Variants in METTL15 observed in about 807,000 individuals in gnomAD.
METTL15 encodes methyltransferase 15, mitochondrial 12S rRNA N4-cytidine.
Under a neutral mutation model 38.3 loss-of-function variants are expected in METTL15, and 34 were observed. The ratio of observed to expected loss-of-function variants is 0.89; its 90% CI spans 0.68 to 1.18. METTL15 has a LOEUF of 1.18. Ranked by LOEUF, METTL15 falls within the 50% of genes most tolerant of loss-of-function variation. METTL15 has a pLI of 0.00. For synonymous variants in METTL15, 162 were observed against 170.9 expected (o/e 0.95, Z 0.41); for missense variants, 438 against 498.4 (o/e 0.88, Z 1.15).
intron 6 of METTL15, among the ~76,000 whole-genome samples, chr11:28,443,070 A>G (rs964874907): frequency 1.3e-5 from 2 of 152,216 alleles, no homozygotes; most frequent in African/African-American, 4.8e-5. Flanking sequence ...GATATAGAAC[A>G]TTGCCATCAC....
intron 4 of METTL15, among the ~76,000 whole-genome samples, chr11:28,276,184 A>G (rs1244094869): frequency 2.6e-5 from 4 of 152,100 alleles, no homozygotes; most frequent in African/African-American, 9.7e-5. Context: ...ATAATTTTAT[A>G]TCTGGAACAA....
chr11:28,283,011 C>T (rs1366186982), intron 4 of METTL15, among the ~76,000 whole-genome samples: 2 of 152,126 alleles, frequency 1.3e-5, no homozygotes, highest in African/African-American at 4.8e-5. Flanking sequence ...TTGTGTATGT[C>T]TGCATTCTAC....
chr11:28,380,070 C>T (rs958811465), intron 5 of METTL15, among the ~76,000 whole-genome samples: 1 of 151,464 alleles, frequency 6.6e-6, no homozygotes, highest in Non-Finnish European at 1.5e-5. Context: ...TGTTCCCACT[C>T]TTCATTTTTA....
At chr11:28,335,242 A>C (rs962879420), downstream of METTL15, among the ~76,000 whole-genome samples, 1 of 152,170 alleles carries the variant, frequency 6.6e-6, no homozygotes, top group African/African-American at 2.4e-5. Flanking sequence ...CTTATTATTC[A>C]AGTCTTATAG....
chr11:28,442,914 T>C (rs973656840), intron 6 of METTL15, among the ~76,000 whole-genome samples: 20 of 152,230 alleles, frequency 1.3e-4, no homozygotes, highest in African/African-American at 4.6e-4. Context: ...TATAGTAATA[T>C]TGGAGAATGC....
chr11:28,516,117 CAT>C (rs1016401915), intron 6 of METTL15, among the ~76,000 whole-genome samples: 1 of 152,114 alleles, frequency 6.6e-6, no homozygotes, highest in Non-Finnish European at 1.5e-5. Flanking sequence ...AGTGAAACCA[CAT>C]ATATAGATTT....
At chr11:28,308,222 T>G (rs1488553210) in intron 6 of METTL15, among the ~76,000 whole-genome samples, 1 of 152,142 alleles carries the variant, frequency 6.6e-6, no homozygotes, top group African/African-American at 2.4e-5. Context: ...TCATTCATAT[T>G]TAATTGTGAT....
chr11:28,468,668 T>C (rs1851277540), intron 6 of METTL15, among the ~76,000 whole-genome samples: 1 of 152,064 alleles, frequency 6.6e-6, no homozygotes, highest in Non-Finnish European at 1.5e-5. Flanking sequence ...TGAGAGAGGA[T>C]TATTATGAAC....
At chr11:28,118,966 A>G (rs1852093132) in intron 3 of METTL15, among the ~76,000 whole-genome samples, 1 of 152,238 alleles carries the variant, frequency 6.6e-6, no homozygotes, top group African/African-American at 2.4e-5. Flanking sequence ...AGATTAAAAA[A>G]GAAATTCAGG....
At chr11:28,423,134 A>G (rs370187556) in intron 5 of METTL15, among the ~76,000 whole-genome samples, 1 of 152,088 alleles carries the variant, frequency 6.6e-6, no homozygotes, top group African/African-American at 2.4e-5. Context: ...ACAAATCAAA[A>G]TGATAATGAC....
chr11:28,113,308 T>C lies in METTL15; in HGVS notation c.-17-10T>C, dbSNP rs1410060945. ...AAATCCAACAATCATATTTTAATTT[T>C]TTTTTCTAGATTTGTTTACCTACAA... On this transcript the variant is annotated splice_polypyrimidine_tract_variant and intron_variant, in intron 2 of 6. Coordinates refer to ENST00000407364, the MANE Select transcript of METTL15 (RefSeq NM_001113528.2). 1 of 1,505,918 alleles carries C rather than the reference T, an allele frequency of 6.6e-7. No individual in the cohort carries two copies. Among genetic ancestry groups the C allele is most frequent in the African/African-American group, 1.4e-5 (1 of 70,922 alleles). The allele number at this position is 1,505,918 out of a possible 1,614,324, so 93.3% of individuals were successfully genotyped here.
intron 3 of METTL15, among the ~76,000 whole-genome samples, chr11:28,200,812 A>T (rs1852083167): frequency 6.6e-6 from 1 of 152,128 alleles, no homozygotes; most frequent in Non-Finnish European, 1.5e-5. Flanking sequence ...TGGTGCTGGG[A>T]TGATGGGGTT....
intron 6 of METTL15, among the ~76,000 whole-genome samples, chr11:28,496,191 A>G (rs1251363736): frequency 6.6e-6 from 1 of 152,246 alleles, no homozygotes; most frequent in African/African-American, 2.4e-5. Flanking sequence ...ATAGCTGGAG[A>G]GGCCTCAGAA....
chr11:28,118,869 A>G lies in METTL15; in HGVS notation c.270+5265A>G, dbSNP rs770643568. Among the ~76,000 whole-genome samples the G allele has an allele frequency of 4.6e-5, 7 of 152,114 alleles. No individual in the cohort carries two copies. The East Asian group carries it at 7.7e-4, about 17-fold the overall frequency. ...GGATTAGATGAGTTAATATACATAA[A>G]TTGTTTAGAATTGTATCTTCCAAGT... On this transcript the variant is annotated intron_variant, in intron 3 of 6. Coordinates refer to ENST00000407364, the MANE Select transcript of METTL15 (RefSeq NM_001113528.2).
In METTL15 at chr11:28,133,919, AG is replaced by A. The variant is rs555687915; in HGVS notation, c.270+20316del. ...TAGGGTAATTTTTTATGCAGGATAC[AG>A]AAGTAATATACACAGAAATAAAGGC... is the stretch of plus-strand genomic sequence containing the variant. On this transcript the variant is annotated intron_variant, in intron 3 of 6. Transcript: ENST00000407364. Among the ~76,000 whole-genome samples the A allele has an allele frequency of 9.8e-5, 15 of 152,334 alleles. No homozygotes were observed. In the South Asian group the frequency reaches 3.1e-3, roughly 32 times the overall value.
At chr11:28,211,260 C>A in intron 4 of METTL15, 62 bp downstream of exon 4, 1 of 1,495,162 alleles carries the variant, frequency 6.7e-7, no homozygotes, top group Non-Finnish European at 9.0e-7. Flanking sequence ...GCTTGGTTTA[C>A]CACCTTGGAA....
rs118121331 is a variant in METTL15 at position 28,466,958 on chromosome 11, T to A, written c.*424+42594T>A. 1.1e-3 allele frequency among the ~76,000 whole-genome samples: 169 copies of A among 152,284 alleles called. 2 individuals are homozygous for A. The East Asian group carries it at 0.027, about 24-fold the overall frequency. ...TTCTGCTCTAGGGAGGTTTCTTTTG[T>A]TTGTTTGTTTTAAACCTGGAGTCCT... On this transcript the variant is annotated intron_variant and NMD_transcript_variant, in intron 6 of 7. Coordinates refer to the METTL15 transcript ENST00000532947.
At chr11:28,228,563 T>C (rs1234992860) in intron 4 of METTL15, among the ~76,000 whole-genome samples, 1 of 151,872 alleles carries the variant, frequency 6.6e-6, no homozygotes, top group Non-Finnish European at 1.5e-5. Context: ...AAGTATTGTT[T>C]CTAATGAAAG....
downstream of METTL15, among the ~76,000 whole-genome samples, chr11:28,529,445 TC>T (rs1851832006): frequency 6.6e-6 from 1 of 151,980 alleles, no homozygotes; most frequent in African/African-American, 2.4e-5. Flanking sequence ...TTCCATACTC[TC>T]CATACACCCA....
Sources: gnomAD v4.1 joint callset for allele counts (sites outside exome capture counted in the v4.1 genomes callset) on GRCh38, gnomAD v4.1.1 for gene constraint, MANE v1.5 for transcripts, NCBI Gene and HGNC (gene_info 2026-07-23, HGNC 2026-07-21) for gene names.